Variants in SEMA3A observed in about 807,000 individuals in gnomAD.
SEMA3A encodes semaphorin-3A.
SEMA3A carries 29 observed loss-of-function variants against 97.9 expected under a neutral mutation model. That is an observed-to-expected ratio of 0.30 (90% CI 0.22 to 0.40). The LOEUF is 0.40. Ranked by LOEUF, SEMA3A falls within the 10% of genes least tolerant of loss-of-function variation. SEMA3A has a pLI of 1.00. For missense variants in SEMA3A, 763 were observed against 951.3 expected, an observed-to-expected ratio of 0.80 and a Z score of 2.60; for synonymous variants, 321 against 323.7, an observed-to-expected ratio of 0.99 and a Z score of 0.09.
In SEMA3A at chr7:84,091,135, A is replaced by AGAAG. The variant is rs1272289412; in HGVS notation, c.453+19331_453+19334dup. On this transcript the variant is annotated intron_variant, in intron 4 of 16. Coordinates refer to ENST00000265362, the MANE Select transcript of SEMA3A (RefSeq NM_006080.3). ...GAAAGAAAGAAAAAGAAAGAAAGAAAGAAGGAAGGAAGGAAGGAAGGAAGG... is the reference window on the plus strand; with the variant it reads ...GAAAGAAAGAAAAAGAAAGAAAGAAAGAAGGAAGGAAGGAAGGAAGGAAGGAAGG... Among the ~76,000 whole-genome samples, 139 of 50,970 alleles carry AGAAG rather than the reference A, an allele frequency of 2.7e-3. 4 individuals carry two copies. The highest frequency in any genetic ancestry group is 4.9e-3 in the South Asian group (8 of 1,636). 33.4% of individuals were successfully genotyped at this position (50,970 alleles called of 152,430 possible).
chr7:84,437,113 C>T (rs992702485), intron 1 of SEMA3A, among the ~76,000 whole-genome samples: 4 of 151,938 alleles, frequency 2.6e-5, no homozygotes, highest in African/African-American at 7.2e-5. Context: ...AGATCACAAG[C>T]GTTTTTACAA....
At chr7:84,055,507 G>GAACT (rs1346523486) in intron 5 of SEMA3A, among the ~76,000 whole-genome samples, 15 of 151,956 alleles carry the variant, frequency 9.9e-5, no homozygotes, top group Non-Finnish European at 2.9e-5. Context: ...CTAGGAAAGG[G>GAACT]AACTCCCTGA....
intron 13 of SEMA3A, among the ~76,000 whole-genome samples, chr7:83,982,067 A>G (rs539022028): frequency 6.6e-5 from 10 of 152,052 alleles, no homozygotes; most frequent in Non-Finnish European, 1.2e-4. Flanking sequence ...TACCCTTCAA[A>G]ACGTCTTTGA....
intron 1 of SEMA3A, among the ~76,000 whole-genome samples, chr7:84,160,461 A>G (rs1409002340): frequency 6.6e-6 from 1 of 152,124 alleles, no homozygotes; most frequent in African/African-American, 2.4e-5. Context: ...GGGGCAGGAG[A>G]ACCACTTGAC....
At chr7:84,438,486 C>T (rs1309820786) in intron 1 of SEMA3A, among the ~76,000 whole-genome samples, 1 of 152,038 alleles carries the variant, frequency 6.6e-6, no homozygotes, top group Non-Finnish European at 1.5e-5. Context: ...AGCTAAATTT[C>T]ACTCATCTGT....
chr7:84,096,404 T>G (rs1472489391), intron 4 of SEMA3A, among the ~76,000 whole-genome samples: 2 of 152,094 alleles, frequency 1.3e-5, no homozygotes, highest in Admixed American at 1.3e-4. Flanking sequence ...AGCTTTTCTT[T>G]GGACATGTGT....
At chr7:83,993,354 C>T (rs1005042580) in intron 12 of SEMA3A, among the ~76,000 whole-genome samples, 64 of 150,600 alleles carry the variant, frequency 4.2e-4, no homozygotes, top group African/African-American at 1.5e-3. Flanking sequence ...TTGATCCTGT[C>T]ATTATGATGT....
At chr7:84,456,065 T>C (rs1805676283) in intron 1 of SEMA3A, among the ~76,000 whole-genome samples, 1 of 151,926 alleles carries the variant, frequency 6.6e-6, no homozygotes, top group African/African-American at 2.4e-5. Context: ...TTAAAGTAGA[T>C]TTAACACTTG....
chr7:84,362,783 A>G, intron 2 of SEMA3A, among the ~76,000 whole-genome samples: 1 of 152,000 alleles, frequency 6.6e-6, no homozygotes, highest in Non-Finnish European at 1.5e-5. Context: ...GGAAGGCAGA[A>G]TAAAGATAAA....
intron 3 of SEMA3A, among the ~76,000 whole-genome samples, chr7:84,287,914 C>T (rs541011251): frequency 6.6e-6 from 1 of 152,092 alleles, no homozygotes; most frequent in African/African-American, 2.4e-5. Flanking sequence ...ATAATAATAA[C>T]AGGTTTCAAT....
At chr7:84,367,634 G>T in intron 2 of SEMA3A, among the ~76,000 whole-genome samples, 1 of 150,848 alleles carries the variant, frequency 6.6e-6, no homozygotes, top group Admixed American at 6.6e-5. Context: ...CTAAGATTTT[G>T]ATAGGACTTG....
chr7:84,343,548 T>C (rs554706266), intron 2 of SEMA3A, among the ~76,000 whole-genome samples: 1 of 152,314 alleles, frequency 6.6e-6, no homozygotes, highest in African/African-American at 2.4e-5. Flanking sequence ...GAATCCTACT[T>C]CAAATTCTGC....
intron 1 of SEMA3A, among the ~76,000 whole-genome samples, chr7:84,430,789 T>TGTGTGTGTGTGTGTG (rs1562945573): frequency 7.0e-6 from 1 of 143,332 alleles, no homozygotes; most frequent in African/African-American, 2.5e-5. Context: ...AACATAAAAT[T>TGTGTGTGTGTGTGTG]TGTGTGTGTG....
chr7:84,253,052 AT>A (rs1799643662), intron 3 of SEMA3A, among the ~76,000 whole-genome samples: 2 of 151,724 alleles, frequency 1.3e-5, no homozygotes, highest in Non-Finnish European at 2.9e-5. Context: ...CAATTTTTGT[AT>A]TTTTAGTAGA....
chr7:84,460,343 T>C (rs1216701690), intron 1 of SEMA3A, among the ~76,000 whole-genome samples: 1 of 152,090 alleles, frequency 6.6e-6, no homozygotes. Flanking sequence ...ACTTATGTTT[T>C]TGGGCATTTT....
intron 3 of SEMA3A, among the ~76,000 whole-genome samples, chr7:84,301,925 C>T (rs540174416): frequency 1.3e-5 from 2 of 152,206 alleles, no homozygotes; most frequent in Admixed American, 6.5e-5. Context: ...TTCCAATCCA[C>T]GTCTTTTTCA....
intron 2 of SEMA3A, among the ~76,000 whole-genome samples, chr7:84,321,564 C>T (rs1370907994): frequency 6.6e-6 from 1 of 151,976 alleles, no homozygotes; most frequent in Non-Finnish European, 1.5e-5. Flanking sequence ...CATAGCAATA[C>T]TAGGTACTAG....
In SEMA3A at chr7:84,024,011, C is replaced by CAA. The variant is rs397890179; in HGVS notation, c.668-9662_668-9661dup. Among the ~76,000 whole-genome samples, 503 of 113,652 alleles carry CAA rather than the reference C, an allele frequency of 4.4e-3. 10 individuals are homozygous for CAA. Among genetic ancestry groups the CAA allele is most frequent in the African/African-American group, 9.4e-3 (293 of 31,310 alleles). The allele number at this position is 113,652 out of a possible 152,430, so 74.6% of individuals were successfully genotyped here. On this transcript the variant is annotated intron_variant, in intron 6 of 16. Transcript: ENST00000265362. ...TGGGCAACGGAGCGAGACTCCGTCT[C>CAA]AAAAAAAAAAAAAAAAAAATTAGTT...
chr7:84,007,766 C>G (rs1310717140), intron 9 of SEMA3A, among the ~76,000 whole-genome samples: 1 of 152,004 alleles, frequency 6.6e-6, no homozygotes, highest in African/African-American at 2.4e-5. Context: ...ACATAGAGTA[C>G]TAAGTTTTGA....
Sources: allele counts gnomAD v4.1 joint callset (sites outside exome capture counted in the v4.1 genomes callset), GRCh38; gene constraint gnomAD v4.1.1; transcripts MANE v1.5; gene names NCBI Gene and HGNC (gene_info 2026-07-23, HGNC 2026-07-21).